STK35: variants seen among roughly 807,000 people sequenced by gnomAD.
STK35 encodes the protein serine/threonine kinase 35.
STK35 carries 17 observed loss-of-function variants against 37.3 expected under a neutral mutation model. That is an observed-to-expected ratio of 0.46 (90% CI 0.31 to 0.68). STK35 has a LOEUF of 0.68. STK35 is among the 30% of genes least tolerant of loss of function. The probability of loss-of-function intolerance (pLI) is 0.05; values close to 1 mark genes in which losing one functional copy is unlikely to be tolerated. For missense variants in STK35, 595 were observed against 746.7 expected (o/e 0.80, Z 2.37); for synonymous variants, 385 against 319.1 (o/e 1.21, Z -2.20).
chr20:2,124,243 G>A (rs11698062), intron 3 of STK35, among the ~76,000 whole-genome samples: 9,884 of 152,228 alleles, frequency 0.065, 425 homozygotes, highest in Non-Finnish European at 0.093. Flanking sequence ...TTCAAGAGGA[G>A]CTAGTTCCTC....
rs773393568 is a variant in STK35 at position 2,127,635 on chromosome 20, G to GGA, written c.*37+10221_*37+10222insAG. Reference sequence around the variant, plus strand: ...GAAATCCAGATGACACCACTGACATGGTCCAGAGGTCCTCCTCCCTTTTCT... The same window carrying GGA: ...GAAATCCAGATGACACCACTGACATGGAGTCCAGAGGTCCTCCTCCCTTTTCT... On this transcript the variant is annotated intron_variant, in intron 3 of 3. Transcript: ENST00000381482. Among the ~76,000 whole-genome samples, 59 of 152,288 alleles carry GGA rather than the reference G, an allele frequency of 3.9e-4. No homozygotes were observed. The East Asian group carries it at 4.6e-3, about 12-fold the overall frequency.
intron 2 of STK35, among the ~76,000 whole-genome samples, chr20:2,115,772 CCAT>C (rs1307806322): frequency 6.6e-6 from 1 of 152,180 alleles, no homozygotes; most frequent in Non-Finnish European, 1.5e-5. Flanking sequence ...TCCCTGTGTT[CCAT>C]CATCCATTCC....
At chr20:2,127,977 T>G (rs1319592824) in intron 3 of STK35, among the ~76,000 whole-genome samples, 1 of 152,192 alleles carries the variant, frequency 6.6e-6, no homozygotes, top group Non-Finnish European at 1.5e-5. Flanking sequence ...CAACCCCTTG[T>G]GTCCTCTCTG....
At chr20:2,107,169 TAGAC>T (rs1985531593) in intron 2 of STK35, among the ~76,000 whole-genome samples, 1 of 152,256 alleles carries the variant, frequency 6.6e-6, no homozygotes, top group Admixed American at 6.5e-5. Context: ...TACTGCCACT[TAGAC>T]AGCAGGCAAG....
intron 3 of STK35, among the ~76,000 whole-genome samples, chr20:2,134,153 G>T (rs1986045011): frequency 6.6e-6 from 1 of 151,978 alleles, no homozygotes; most frequent in Non-Finnish European, 1.5e-5. Flanking sequence ...CTAGCTATTG[G>T]GGAGGCTGAA....
intron 2 of STK35, among the ~76,000 whole-genome samples, chr20:2,107,057 A>G (rs950165596): frequency 6.6e-6 from 1 of 152,238 alleles, no homozygotes; most frequent in Non-Finnish European, 1.5e-5. Flanking sequence ...TACTTCTCAC[A>G]TAAAGGTTGG....
At chr20:2,107,424 G>A (rs6081974) in intron 2 of STK35, among the ~76,000 whole-genome samples, 69,331 of 152,108 alleles carry the variant, frequency 0.46, 16,676 homozygotes, top group East Asian at 0.94. Flanking sequence ...GCTGGGAACC[G>A]AGGCCTTGGA....
At chr20:2,103,916 G>T (rs912805264) in intron 2 of STK35, among the ~76,000 whole-genome samples, 2 of 152,144 alleles carry the variant, frequency 1.3e-5, no homozygotes, top group African/African-American at 4.8e-5. Flanking sequence ...ATCCCAGGCA[G>T]CCGAGCAAAC....
intron 3 of STK35, among the ~76,000 whole-genome samples, chr20:2,122,618 G>T (rs6075668): frequency 0.51 from 77,336 of 152,000 alleles, 20,572 homozygotes; most frequent in East Asian, 0.94. Flanking sequence ...TATCAGGGCC[G>T]CAGTTTTATT....
intron 3 of STK35, among the ~76,000 whole-genome samples, chr20:2,122,826 G>A (rs1568577664): frequency 1.3e-5 from 2 of 152,202 alleles, no homozygotes. Flanking sequence ...CCTCACTTTT[G>A]TGGATTGCCA....
chr20:2,116,171 G>A (rs142508249), intron 2 of STK35, among the ~76,000 whole-genome samples: 30 of 152,222 alleles, frequency 2.0e-4, no homozygotes, highest in African/African-American at 6.7e-4. Context: ...GGAAATTGTA[G>A]GAGTGTGCCT....
Position 2,146,682 on chromosome 20 carries a change from C to T in STK35, c.*2936C>T, listed in dbSNP as rs1053446123. 1.3e-5 allele frequency: 2 copies of T among 152,658 alleles called. No homozygotes were observed. The highest frequency in any genetic ancestry group is 1.3e-4 in the Admixed American group (2 of 15,276). The allele number at this position is 152,658 out of a possible 1,614,324, so 9.5% of individuals were successfully genotyped here. A position where few individuals can be genotyped will look rare whatever the true frequency, so the allele number is the denominator to read the frequency against. ...TTGCTCTTTCACTCTCTCTCTCATT[C>T]CCAGAGAGCCACGGGGGAGGGATCA... is the stretch of plus-strand genomic sequence containing the variant. On this transcript the variant is annotated 3_prime_UTR_variant, in exon 4 of 4. Coordinates refer to ENST00000381482, the MANE Select transcript of STK35 (RefSeq NM_080836.4).
chr20:2,102,948 GC>G lies in STK35; in HGVS notation c.476del (p.Ala159GlyfsTer6). 6.7e-7 allele frequency: 1 copy of G among 1,495,458 alleles called. No homozygotes were observed. Among genetic ancestry groups the G allele is most frequent in the Non-Finnish European group, 8.9e-7 (1 of 1,128,416 alleles). 92.6% of individuals were successfully genotyped at this position (1,495,458 alleles called of 1,614,324 possible). Reference protein sequence around the residue: ...ERKRRSPVPRAPSTKLRPAAA... With the variant: ...ERKRRSPVPRXPSTKLRPAAA... ...GAAAAGGCGAAGCCCAGTGCCGCGG[GC>G]GCCCAGCACGAAGCTGAGGCCGGCG... On this transcript the variant is annotated frameshift_variant, in exon 2 of 4. Transcript: ENST00000381482. LOFTEE classifies it high-confidence loss of function.
At chr20:2,123,717 G>C (rs1356049465) in intron 3 of STK35, among the ~76,000 whole-genome samples, 1 of 152,328 alleles carries the variant, frequency 6.6e-6, no homozygotes, top group Middle Eastern at 3.4e-3. Context: ...AGTCTCTGTA[G>C]GGTAAATTTT....
rs1986247397 is a variant in STK35 at position 2,145,483 on chromosome 20, T to A, written c.*1737T>A. ...GCCCTGAGAATTTGGGAGAGAACAG[T>A]GCATCAGGCCAGGCTCAGCAATATG... is the stretch of plus-strand genomic sequence containing the variant. On this transcript the variant is annotated 3_prime_UTR_variant, in exon 4 of 4. Transcript: ENST00000381482. 6.6e-6 allele frequency: 1 copy of A among 152,164 alleles called. No homozygotes were observed. Among genetic ancestry groups the A allele is most frequent in the Non-Finnish European group, 1.5e-5 (1 of 68,036 alleles). The allele number at this position is 152,164 out of a possible 1,614,324, so 9.4% of individuals were successfully genotyped here.
intron 3 of STK35, among the ~76,000 whole-genome samples, chr20:2,126,852 A>G (rs150484037): frequency 6.6e-6 from 1 of 152,352 alleles, no homozygotes; most frequent in African/African-American, 2.4e-5. Context: ...CTCAGTTTGC[A>G]TCGTACACAG....
In STK35 at chr20:2,108,460, A is replaced by AGATC. The variant is rs551432010; in HGVS notation, c.892+5097_892+5100dup. 1.8e-4 allele frequency among the ~76,000 whole-genome samples: 28 copies of AGATC among 152,340 alleles called. 1 individual carries two copies. In the East Asian group the frequency reaches 5.4e-3, roughly 29 times the overall value. Reference sequence around the variant, plus strand: ...GGGAGGCAGAGGCTGCAGTGAGCTGAGATCGCATCAGTGCACTCCAGCCTG... The same window carrying AGATC: ...GGGAGGCAGAGGCTGCAGTGAGCTGAGATCGATCGCATCAGTGCACTCCAGCCTG... On this transcript the variant is annotated intron_variant, in intron 2 of 3. Transcript: ENST00000381482.
chr20:2,104,118 G>A (rs1600596805), intron 2 of STK35, among the ~76,000 whole-genome samples: 9 of 152,182 alleles, frequency 5.9e-5, no homozygotes, highest in Admixed American at 5.9e-4. Context: ...TGAGGCAAGA[G>A]GTCTTGCAGT....
At chr20:2,120,432 C>T (rs994663862) in intron 3 of STK35, among the ~76,000 whole-genome samples, 4 of 152,218 alleles carry the variant, frequency 2.6e-5, no homozygotes, top group African/African-American at 9.6e-5. Flanking sequence ...CTTTACAGTA[C>T]TGGTGGTGCC....
Sources: allele counts gnomAD v4.1 joint callset (sites outside exome capture counted in the v4.1 genomes callset), GRCh38; gene constraint gnomAD v4.1.1; transcripts MANE v1.5; gene names NCBI Gene and HGNC (gene_info 2026-07-23, HGNC 2026-07-21).